Variants in RNF2 observed in about 807,000 individuals in gnomAD.
RNF2 encodes ring finger protein 2.
RNF2 carries 6 observed loss-of-function variants against 37.2 expected under a neutral mutation model. That is an observed-to-expected ratio of 0.16 (90% confidence interval 0.09 to 0.32). The LOEUF is 0.32. Among genes scored for constraint, RNF2 ranks in the 10% least tolerant of loss-of-function variants. The pLI is 1.00. For missense variants in RNF2, 251 were observed against 404.0 expected, an observed-to-expected ratio of 0.62 and a Z score of 3.25; for synonymous variants, 133 against 132.7, an observed-to-expected ratio of 1.00 and a Z score of -0.02.
At chr1:185,081,377 T>C (rs1651344254) in intron 1 of RNF2, among the ~76,000 whole-genome samples, 1 of 149,276 alleles carries the variant, frequency 6.7e-6, no homozygotes, top group Admixed American at 6.8e-5. Context: ...GAGGCAAAAC[T>C]GTAGCCTAAT....
intron 1 of RNF2, among the ~76,000 whole-genome samples, chr1:185,076,268 GTT>G (rs71101959): frequency 7.3e-5 from 2 of 27,346 alleles, no homozygotes; most frequent in African/African-American, 1.3e-4. Flanking sequence ...TTTATGGGTT[GTT>G]TTTTTTTTTT....
rs71555455 is a variant in RNF2 at position 185,085,145 on chromosome 1, C to CTTTTTTTTTTTTTTTTT, written c.-2-2402_-2-2386dup. ...CCATATTTGACCCTTCTTTCTTTTTCTTTTTTTTTTTTTTTTTTTTTGAGA... is the reference window on the plus strand; with the variant it reads ...CCATATTTGACCCTTCTTTCTTTTTCTTTTTTTTTTTTTTTTTTTTTTTTTTTTTTTTTTTTTTGAGA... On this transcript the variant is annotated intron_variant, in intron 1 of 6. Transcript: ENST00000367510. Among the ~76,000 whole-genome samples the CTTTTTTTTTTTTTTTTT allele has an allele frequency of 2.4e-4, 25 of 103,220 alleles. 1 individual carries two copies. Among genetic ancestry groups the CTTTTTTTTTTTTTTTTT allele is most frequent in the South Asian group, 6.7e-4 (2 of 2,990 alleles). 67.7% of individuals were successfully genotyped at this position (103,220 alleles called of 152,430 possible).
intron 1 of RNF2, among the ~76,000 whole-genome samples, chr1:185,070,967 C>T (rs538711118): frequency 9.2e-5 from 14 of 152,248 alleles, no homozygotes; most frequent in Admixed American, 5.2e-4. Context: ...CCTCAACTAA[C>T]TTAAGGATTG....
In RNF2 at chr1:185,086,729, G is replaced by A. The variant is rs558260046; in HGVS notation, c.-2-823G>A. 4.6e-5 allele frequency among the ~76,000 whole-genome samples: 7 copies of A among 152,228 alleles called. No homozygotes were observed. In the East Asian group the frequency reaches 7.7e-4, roughly 17 times the overall value. ...GGAAGAGCTTTCTGAACATGAGGTC[G>A]GGAATTTTTCATGAGTGAAGCTGTG... On this transcript the variant is annotated intron_variant, in intron 1 of 6. Coordinates refer to ENST00000367510, the MANE Select transcript of RNF2 (RefSeq NM_007212.4).
At chr1:185,079,270 T>C (rs1377199158) in intron 1 of RNF2, among the ~76,000 whole-genome samples, 2 of 152,144 alleles carry the variant, frequency 1.3e-5, no homozygotes, top group African/African-American at 2.4e-5. Flanking sequence ...AACTGGAAAT[T>C]GGGCCTGTGA....
At chr1:185,059,211 T>C (rs1650527964) in intron 1 of RNF2, among the ~76,000 whole-genome samples, 1 of 145,174 alleles carries the variant, frequency 6.9e-6, no homozygotes, top group Admixed American at 6.9e-5. Flanking sequence ...AGAAGTCTCC[T>C]GAATCCCAGT....
intron 2 of RNF2, among the ~76,000 whole-genome samples, chr1:185,090,381 A>G (rs1038891567): frequency 6.6e-6 from 1 of 152,114 alleles, no homozygotes; most frequent in Non-Finnish European, 1.5e-5. Context: ...GGCAGAGGAG[A>G]ACAGACTTGA....
At chr1:185,049,407 TG>T (rs1381929803) in intron 1 of RNF2, among the ~76,000 whole-genome samples, 1 of 152,180 alleles carries the variant, frequency 6.6e-6, no homozygotes, top group Non-Finnish European at 1.5e-5. Flanking sequence ...ATTTAAACAG[TG>T]TAGTAGTTTA....
chr1:185,050,671 G>T (rs1340375712), intron 1 of RNF2, among the ~76,000 whole-genome samples: 1 of 152,160 alleles, frequency 6.6e-6, no homozygotes, highest in Non-Finnish European at 1.5e-5. Flanking sequence ...TTAGAAAATA[G>T]TTTGGGTAAA....
intron 1 of RNF2, among the ~76,000 whole-genome samples, chr1:185,073,730 A>G (rs1054814666): frequency 1.4e-4 from 21 of 152,232 alleles, no homozygotes; most frequent in Admixed American, 4.6e-4. Context: ...TTGTATGTCA[A>G]TCAAAGATAA....
At chr1:185,075,427 C>T (rs1283143069) in intron 1 of RNF2, among the ~76,000 whole-genome samples, 1 of 152,138 alleles carries the variant, frequency 6.6e-6, no homozygotes, top group Non-Finnish European at 1.5e-5. Context: ...TTCTGTTCCC[C>T]AGAACTTTGC....
At position 185,087,757 on chromosome 1, in the gene RNF2, C is replaced by T. The variant is rs1312098575; in HGVS notation, c.87+117C>T. On this transcript the variant is annotated intron_variant, in intron 2 of 6. Transcript: ENST00000367510. ...ATAATAAATTTATATTCAAGCATTC[C>T]TGACTTCTGTATGTTGGCTAACACT... is the stretch of plus-strand genomic sequence containing the variant. The T allele has an allele frequency of 5.4e-6, 4 of 744,892 alleles. No individual in the cohort carries two copies. The African/African-American group carries it at 7.1e-5, about 13-fold the overall frequency. 46.1% of individuals were successfully genotyped at this position (744,892 alleles called of 1,614,324 possible). A position where few individuals can be genotyped will look rare whatever the true frequency, so the allele number is the denominator to read the frequency against.
At chr1:185,047,186 T>C (rs1018747785) in intron 1 of RNF2, among the ~76,000 whole-genome samples, 1 of 152,238 alleles carries the variant, frequency 6.6e-6, no homozygotes, top group African/African-American at 2.4e-5. Context: ...CCTTGTGGCA[T>C]CCACATTTGA....
intron 1 of RNF2, among the ~76,000 whole-genome samples, chr1:185,076,332 C>G (rs1651163543): frequency 9.9e-6 from 1 of 100,876 alleles, no homozygotes; most frequent in Non-Finnish European, 1.9e-5. Flanking sequence ...ATTCTGTCGC[C>G]CAGGCTGGAG....
rs140702743 is a variant in RNF2, at chr1:185,075,803, A to T, written c.-2-11749A>T. On this transcript the variant is annotated intron_variant, in intron 1 of 6. Transcript: ENST00000367510. Reference sequence around the variant, plus strand: ...CCAGGCCCCTCCTCCAACACTGGGGATTATAATTCCACATGAGATTTGGGC... The same window carrying T: ...CCAGGCCCCTCCTCCAACACTGGGGTTTATAATTCCACATGAGATTTGGGC... 2.0e-4 allele frequency among the ~76,000 whole-genome samples: 30 copies of T among 152,346 alleles called. No individual in the cohort carries two copies. The East Asian group carries it at 5.8e-3, about 29-fold the overall frequency.
At chr1:185,050,851 C>T (rs1170320627) in intron 1 of RNF2, among the ~76,000 whole-genome samples, 1 of 152,200 alleles carries the variant, frequency 6.6e-6, no homozygotes, top group African/African-American at 2.4e-5. Flanking sequence ...AAATTCTCTC[C>T]TACTTCTTAG....
chr1:185,045,829 C>T (rs925309361), intron 1 of RNF2, among the ~76,000 whole-genome samples, 180 bp downstream of exon 1: 6 of 152,108 alleles, frequency 3.9e-5, no homozygotes, highest in Admixed American at 6.5e-5. Flanking sequence ...GCGGAGACGG[C>T]GGGTGAAGCG....
intron 5 of RNF2, among the ~76,000 whole-genome samples, chr1:185,099,222 A>G (rs1340617851): frequency 1.3e-5 from 2 of 151,232 alleles, no homozygotes; most frequent in African/African-American, 4.9e-5. Flanking sequence ...TAATTTTTGT[A>G]TTTTTAGTAG....
chr1:185,100,229 G>T lies in RNF2; in HGVS notation c.939G>T (p.Leu313Phe). 1 of 1,608,026 alleles carries T rather than the reference G, an allele frequency of 6.2e-7. No individual in the cohort carries two copies. The highest frequency in any genetic ancestry group is 1.1e-5 in the South Asian group (1 of 89,488). The change falls in exon 7 of 7, where the codon TTG (leucine) becomes TTT (phenylalanine). Residue 313 changes from leucine to phenylalanine, a missense_variant. By Grantham distance (22) the Leu-to-Phe change is conservative. Transcript: ENST00000367510. ...TVLNGSFSLELVSEKYWKVNK... is the reference protein window; with the variant it reads ...TVLNGSFSLEFVSEKYWKVNK... Reference sequence around the variant, plus strand: ...TAAATGGCTCTTTTTCTTTGGAATTGGTCAGTGAGAAATACTGGAAAGTGA... The same window carrying T: ...TAAATGGCTCTTTTTCTTTGGAATTTGTCAGTGAGAAATACTGGAAAGTGA...
Sources: gnomAD v4.1 joint callset for allele counts (sites outside exome capture counted in the v4.1 genomes callset) on GRCh38, gnomAD v4.1.1 for gene constraint, MANE v1.5 for transcripts, NCBI Gene and HGNC (gene_info 2026-07-23, HGNC 2026-07-21) for gene names.